The following ATP8A1 variants were observed in gnomAD, a reference collection of about 807,000 sequenced individuals.
The protein encoded by ATP8A1 is ATPase phospholipid transporting 8A1.
ATP8A1 carries 90 observed loss-of-function variants against 177.7 expected under a neutral mutation model. That is an observed-to-expected ratio of 0.51 (90% CI 0.43 to 0.60). The LOEUF (loss-of-function observed/expected upper bound fraction) is 0.60, where lower values mean the gene tolerates loss of function less well. ATP8A1 is among the 20% of genes least tolerant of loss of function. The probability of loss-of-function intolerance (pLI) is 0.00; values close to 1 mark genes in which losing one functional copy is unlikely to be tolerated. For missense variants in ATP8A1, 1,072 were observed against 1,392.8 expected, an observed-to-expected ratio of 0.77 and a Z score of 3.67; for synonymous variants, 493 against 485.9, an observed-to-expected ratio of 1.01 and a Z score of -0.19.
intron 22 of ATP8A1, among the ~76,000 whole-genome samples, chr4:42,521,607 C>A (rs750149110): frequency 7.2e-5 from 11 of 152,030 alleles, no homozygotes; most frequent in Non-Finnish European, 1.3e-4. Context: ...AGAAATAATA[C>A]AGGTATATGT....
At chr4:42,654,254 A>G (rs1221235824) in intron 1 of ATP8A1, among the ~76,000 whole-genome samples, 2 of 152,120 alleles carry the variant, frequency 1.3e-5, no homozygotes, top group Admixed American at 1.3e-4. Flanking sequence ...CGTCCCCCAC[A>G]GCATGCACAA....
rs1195945199 is a variant in ATP8A1, at chr4:42,551,253, T to C, written c.1547A>G (p.Lys516Arg). 6.2e-7 allele frequency: 1 copy of C among 1,613,804 alleles called. No homozygotes were observed. Among genetic ancestry groups the C allele is most frequent in the Non-Finnish European group, 8.5e-7 (1 of 1,179,902 alleles). Residue 516 changes from lysine to arginine, a missense_variant, in exon 18 of 37, where the codon AAG becomes AGG. This residue lies in a region of ATP8A1 where 388 missense variants were observed against 471.7 expected (regional missense o/e 0.82). Transcript: ENST00000381668. ...PDEGALVRAA[K>R]QLNFVFTGRT... The stretch of plus-strand genomic sequence containing the variant: ...TCCAGTGAAAACAAAATTCAATTGC[T>C]TGGCTGCTCTGACCAATGCTCCCTC...
In ATP8A1 at chr4:42,409,486, C is replaced by T. The variant is rs1202250996; in HGVS notation, c.*3430G>A. ...TTAGGCACTGAACTGCATGATGTTA[C>T]CTTAAGTCATTTACAAAAGAATTCC... On this transcript the variant is annotated 3_prime_UTR_variant, in exon 37 of 37. Coordinates refer to ENST00000381668, the MANE Select transcript of ATP8A1 (RefSeq NM_006095.2). 1.3e-5 allele frequency: 2 copies of T among 152,056 alleles called. No individual in the cohort carries two copies. Among genetic ancestry groups the T allele is most frequent in the East Asian group, 3.8e-4 (2 of 5,198 alleles). The allele number at this position is 152,056 out of a possible 1,614,324, so 9.4% of individuals were successfully genotyped here.
At chr4:42,440,429 A>T (rs1716498405) in intron 33 of ATP8A1, among the ~76,000 whole-genome samples, 1 of 148,180 alleles carries the variant, frequency 6.7e-6, no homozygotes, top group Non-Finnish European at 1.5e-5. Flanking sequence ...GGTTCCCCTT[A>T]CCTGCTGTAC....
rs565139270 is a variant in ATP8A1 at position 42,636,156 on chromosome 4, A to ACACACACACACACACGCGTGCGCGCGCG, written c.50-9048_50-9047insCGCGCGCGCACGCGTGTGTGTGTGTGTG. 5.9e-3 allele frequency among the ~76,000 whole-genome samples: 537 copies of ACACACACACACACACGCGTGCGCGCGCG among 90,958 alleles called. 1 individual carries two copies. The highest frequency in any genetic ancestry group is 0.02 in the Middle Eastern group (3 of 152). The allele number at this position is 90,958 out of a possible 152,430, so 59.7% of individuals were successfully genotyped here. A position where few individuals can be genotyped will look rare whatever the true frequency, so the allele number is the denominator to read the frequency against. On this transcript the variant is annotated intron_variant, in intron 1 of 36. Transcript: ENST00000381668. ...CACACACACACACACACACACACAC[A>ACACACACACACACACGCGTGCGCGCGCG]CGCACACACACACACATAAGCTTCT... is the stretch of plus-strand genomic sequence containing the variant.
intron 4 of ATP8A1, among the ~76,000 whole-genome samples, chr4:42,621,813 T>C (rs534700960): frequency 6.6e-6 from 1 of 152,276 alleles, no homozygotes; most frequent in Admixed American, 6.5e-5. Flanking sequence ...GTATCAATTA[T>C]GCTACCCAAC....
chr4:42,597,670 A>G (rs999604219), intron 6 of ATP8A1, among the ~76,000 whole-genome samples: 1 of 152,170 alleles, frequency 6.6e-6, no homozygotes, highest in African/African-American at 2.4e-5. Context: ...TTTTGCTATT[A>G]TAAGTAAATA....
chr4:42,595,893 A>G (rs1021180771), intron 6 of ATP8A1, among the ~76,000 whole-genome samples: 2 of 152,252 alleles, frequency 1.3e-5, no homozygotes, highest in African/African-American at 2.4e-5. Context: ...CCTAAACTCA[A>G]TAAAATAGTA....
Position 42,485,688 on chromosome 4 carries a change from A to C in ATP8A1, c.2152-20T>G, listed in dbSNP as rs1385284022. On this transcript the variant is annotated intron_variant, in intron 24 of 36. Coordinates refer to ENST00000381668, the MANE Select transcript of ATP8A1 (RefSeq NM_006095.2). ...TGTTCCCTGGAATATTAAACAAGCA[A>C]AAATGCCATCAACATTTACTCCCAT... The C allele has an allele frequency of 6.3e-7, 1 of 1,599,950 alleles. No individual in the cohort carries two copies. The highest frequency in any genetic ancestry group is 1.1e-5 in the South Asian group (1 of 88,698).
intron 22 of ATP8A1, among the ~76,000 whole-genome samples, chr4:42,509,631 C>A (rs976465456): frequency 1.3e-5 from 2 of 152,028 alleles, no homozygotes; most frequent in Non-Finnish European, 2.9e-5. Flanking sequence ...GAGGCCTAGG[C>A]GGGTGGATCA....
At chr4:42,531,113 A>G (rs1189094700) in intron 20 of ATP8A1, among the ~76,000 whole-genome samples, 1 of 152,246 alleles carries the variant, frequency 6.6e-6, no homozygotes, top group Non-Finnish European at 1.5e-5. Context: ...AGATGAAATC[A>G]GTCTACTGCT....
At position 42,657,090 on chromosome 4, in the gene ATP8A1, A is replaced by G. The variant is rs1250057558; in HGVS notation, c.-217T>C. On this transcript the variant is annotated 5_prime_UTR_variant, in exon 1 of 37. Transcript: ENST00000381668. The stretch of plus-strand genomic sequence containing the variant: ...GCGGCGAAGGTGGCGGCGCCCGCAG[A>G]GCTGGGCGAGCTCTTGCTGCAGCCG... 5.0e-6 allele frequency: 2 copies of G among 401,422 alleles called. No individual in the cohort carries two copies. The highest frequency in any genetic ancestry group is 2.1e-5 in the African/African-American group (1 of 47,730). The allele number at this position is 401,422 out of a possible 1,614,324, so 24.9% of individuals were successfully genotyped here.
chr4:42,562,020 C>G (rs1014749739), intron 15 of ATP8A1: 2 of 152,170 alleles, frequency 1.3e-5, no homozygotes, highest in African/African-American at 4.8e-5. Flanking sequence ...TTTTTATAAT[C>G]TGGTTCTTTA....
intron 20 of ATP8A1, 105 bp from the exon 21 acceptor site, chr4:42,524,952 T>C: frequency 1.6e-6 from 1 of 618,704 alleles, no homozygotes. Context: ...CAACCACCAA[T>C]CTCTTTTGGC....
At chr4:42,612,937 T>G (rs185120468) in intron 5 of ATP8A1, among the ~76,000 whole-genome samples, 75 of 152,278 alleles carry the variant, frequency 4.9e-4, no homozygotes, top group South Asian at 2.7e-3. Context: ...GAAAAAAATG[T>G]CTCTTACATA....
intron 33 of ATP8A1, among the ~76,000 whole-genome samples, chr4:42,438,753 AG>A (rs1716282434): frequency 6.6e-6 from 1 of 152,182 alleles, no homozygotes; most frequent in African/African-American, 2.4e-5. Flanking sequence ...CCCAAAAAGA[AG>A]GTACTGAATT....
intron 30 of ATP8A1, 64 bp from the exon 31 acceptor site, chr4:42,446,708 T>C (rs750278386): frequency 4.1e-6 from 6 of 1,476,916 alleles, no homozygotes; most frequent in Non-Finnish European, 4.7e-6. Context: ...TTTTCAAAGA[T>C]ATTCAGAAAG....
intron 1 of ATP8A1, among the ~76,000 whole-genome samples, chr4:42,643,820 T>C (rs1434600679): frequency 6.6e-6 from 1 of 152,204 alleles, no homozygotes; most frequent in Non-Finnish European, 1.5e-5. Flanking sequence ...TTAAGTGACA[T>C]GCTCAAGGCC....
At chr4:42,582,161 G>A (rs926727332) in intron 9 of ATP8A1, among the ~76,000 whole-genome samples, 1 of 152,104 alleles carries the variant, frequency 6.6e-6, no homozygotes, top group Non-Finnish European at 1.5e-5. Context: ...CAGCAAGAAG[G>A]GGCCTTTTGC....
Sources: gnomAD v4.1 joint callset for allele counts (sites outside exome capture counted in the v4.1 genomes callset) on GRCh38, gnomAD v4.1.1 for gene constraint, gnomAD v4.1.1 regional missense constraint, MANE v1.5 for transcripts, NCBI Gene and HGNC (gene_info 2026-07-23, HGNC 2026-07-21) for gene names.